SH3D19: variants seen among roughly 807,000 people sequenced by gnomAD.
SH3D19 encodes the protein SH3 domain-containing protein 19.
SH3D19 carries 58 observed loss-of-function variants against 112.1 expected under a neutral mutation model. The observed-to-expected ratio is 0.52, with a 90% confidence interval of 0.42 to 0.64. SH3D19 has a LOEUF of 0.64. SH3D19 is among the 30% of genes least tolerant of loss of function. The pLI is 0.00. For synonymous variants in SH3D19, 391 were observed against 448.5 expected (o/e 0.87, Z 1.62); for missense variants, 1,090 against 1,263.4 (o/e 0.86, Z 2.08).
At chr4:151,210,797 A>G (rs1256850365) in intron 2 of SH3D19, among the ~76,000 whole-genome samples, 1 of 151,968 alleles carries the variant, frequency 6.6e-6, no homozygotes, top group African/African-American at 2.4e-5. Flanking sequence ...TAATGATTTT[A>G]TTTTTTTCTC....
chr4:151,192,544 A>G (rs1022643777), intron 2 of SH3D19, among the ~76,000 whole-genome samples: 2 of 152,238 alleles, frequency 1.3e-5, no homozygotes, highest in Admixed American at 1.3e-4. Flanking sequence ...ACCTATAGTT[A>G]TTATAACCCT....
At chr4:151,167,642 A>C (rs1561268704) in intron 7 of SH3D19, among the ~76,000 whole-genome samples, 1 of 152,178 alleles carries the variant, frequency 6.6e-6, no homozygotes. Flanking sequence ...ACACTATTTT[A>C]CGGCTTCCGC....
chr4:151,124,623 C>A (rs1045501412), intron 19 of SH3D19, among the ~76,000 whole-genome samples: 2 of 151,694 alleles, frequency 1.3e-5, no homozygotes, highest in African/African-American at 4.8e-5. Context: ...GAGGCTGAGG[C>A]GGGAGAATTG....
At chr4:151,272,758 C>CTTTTCTTTTTTT (rs1554065161) in intron 1 of SH3D19, among the ~76,000 whole-genome samples, 4 of 147,048 alleles carry the variant, frequency 2.7e-5, no homozygotes, top group East Asian at 2.0e-4. Flanking sequence ...TCAGGTTTCA[C>CTTTTCTTTTTTT]TTTTCTTTTT....
At chr4:151,132,487 C>G (rs981263380) in intron 16 of SH3D19, 104 bp from the exon 17 acceptor site, 84 of 951,902 alleles carry the variant, frequency 8.8e-5, no homozygotes, top group Non-Finnish European at 1.2e-4. Context: ...AGTGAAGACT[C>G]TGGGATTCCA....
At chr4:151,167,280 TTTAA>T (rs1158548294) in intron 7 of SH3D19, among the ~76,000 whole-genome samples, 5 of 151,976 alleles carry the variant, frequency 3.3e-5, no homozygotes, top group Admixed American at 3.3e-4. Flanking sequence ...TCCTTAATTC[TTTAA>T]TTTATTATAA....
intron 1 of SH3D19, among the ~76,000 whole-genome samples, chr4:151,263,167 G>A (rs952265729): frequency 9.0e-6 from 1 of 110,864 alleles, no homozygotes; most frequent in African/African-American, 3.5e-5. Context: ...AAATTTGGTT[G>A]ATTCTAACAA....
At chr4:151,282,525 T>C in intron 1 of SH3D19, 3 of 1,037,570 alleles carry the variant, frequency 2.9e-6, no homozygotes, top group South Asian at 3.3e-5. Context: ...CAAAACCAGA[T>C]CAATCTAATG....
chr4:151,300,610 T>G (rs1728313794), intron 1 of SH3D19: 1 of 152,140 alleles, frequency 6.6e-6, no homozygotes, highest in East Asian at 1.9e-4. Flanking sequence ...CATTCCATTT[T>G]TTTTTTTTTA....
At chr4:151,293,242 G>A (rs377159660) in intron 1 of SH3D19, among the ~76,000 whole-genome samples, 12 of 152,050 alleles carry the variant, frequency 7.9e-5, no homozygotes, top group South Asian at 2.1e-4. Context: ...AGGCCGAGGC[G>A]GGCAGATCAC....
chr4:151,285,529 AAC>A (rs1480387468), intron 1 of SH3D19, among the ~76,000 whole-genome samples: 1 of 152,210 alleles, frequency 6.6e-6, no homozygotes, highest in East Asian at 1.9e-4. Flanking sequence ...AAAATGAAGA[AAC>A]AACATATCAA....
intron 7 of SH3D19, among the ~76,000 whole-genome samples, chr4:151,168,855 A>G (rs1325414330): frequency 6.6e-6 from 1 of 152,138 alleles, no homozygotes; most frequent in African/African-American, 2.4e-5. Context: ...TGAGCATGTA[A>G]TGACTTAAAT....
Position 151,139,909 on chromosome 4 carries a change from C to T in SH3D19, c.2224-62G>A, listed in dbSNP as rs1163201110. ...GGATAGATGGTGGATTTATTATTCA[C>T]TCTGAGACCAATTTTTTTTTTCTCA... On this transcript the variant is annotated intron_variant, in intron 12 of 19. Transcript: ENST00000604030. The T allele has an allele frequency of 1.6e-5, 25 of 1,520,418 alleles. No individual in the cohort carries two copies. In the Admixed American group the frequency reaches 4.5e-4, roughly 27 times the overall value. 94.2% of individuals were successfully genotyped at this position (1,520,418 alleles called of 1,614,324 possible).
At chr4:151,141,863 A>G (rs1436993775) in intron 12 of SH3D19, among the ~76,000 whole-genome samples, 2 of 152,212 alleles carry the variant, frequency 1.3e-5, no homozygotes, top group Non-Finnish European at 2.9e-5. Flanking sequence ...GCCTAAACAT[A>G]AACCAGTCCT....
Position 151,148,168 on chromosome 4 carries a change from G to A in SH3D19, c.1836C>T (p.Thr612=), listed in dbSNP as rs373909862. The A allele has an allele frequency of 1.3e-4, 215 of 1,603,966 alleles. No homozygotes were observed. Among genetic ancestry groups the A allele is most frequent in the Non-Finnish European group, 1.6e-4 (194 of 1,177,066 alleles). The change falls in exon 11 of 20, where the codon ACC becomes ACT. Residue 612 remains threonine (T), a synonymous_variant. Coordinates refer to ENST00000604030, the MANE Select transcript of SH3D19 (RefSeq NM_001378122.1). ...RLPPRPVNGK[T]IPTQQPPTKV... ...TGGTTGGAGGCTGTTGAGTTGGAAT[G>A]GTTTTTCCATTCACAGGTCTGAAAG...
At chr4:151,240,777 A>G (rs1770488448) in intron 1 of SH3D19, among the ~76,000 whole-genome samples, 1 of 151,994 alleles carries the variant, frequency 6.6e-6, no homozygotes, top group African/African-American at 2.4e-5. Context: ...CGACTCAGAA[A>G]TTCTACTCAG....
intron 2 of SH3D19, among the ~76,000 whole-genome samples, chr4:151,201,275 T>C (rs1446995347): frequency 6.6e-6 from 1 of 152,216 alleles, no homozygotes; most frequent in Admixed American, 6.5e-5. Context: ...CCCAGAATCC[T>C]GATGTGAATA....
intron 9 of SH3D19, among the ~76,000 whole-genome samples, chr4:151,154,985 T>C (rs1446048958): frequency 6.6e-6 from 1 of 151,956 alleles, no homozygotes; most frequent in African/African-American, 2.4e-5. Flanking sequence ...CTCAAACTCC[T>C]GATCTCAAGT....
At chr4:151,267,165 A>T (rs1232560375) in intron 1 of SH3D19, among the ~76,000 whole-genome samples, 12 of 91,856 alleles carry the variant, frequency 1.3e-4, no homozygotes, top group South Asian at 3.5e-4. Context: ...TCTAAAAAAA[A>T]AAAAAAATAA....
Sources: gnomAD v4.1 joint callset for allele counts (sites outside exome capture counted in the v4.1 genomes callset) on GRCh38, gnomAD v4.1.1 for gene constraint, MANE v1.5 for transcripts, NCBI Gene and HGNC (gene_info 2026-07-23, HGNC 2026-07-21) for gene names.